AGK: variants seen among roughly 807,000 people sequenced by gnomAD.
AGK encodes acylglycerol kinase, mitochondrial.
In AGK, 52 loss-of-function variants were observed where a neutral mutation model predicts 66.4. The observed-to-expected ratio is 0.78, with a 90% CI of 0.63 to 0.99. AGK has a LOEUF of 0.99. Among genes scored for constraint, AGK ranks in the 50% least tolerant of loss-of-function variants. The probability of loss-of-function intolerance (pLI) is 0.00; values close to 1 mark genes in which losing one functional copy is unlikely to be tolerated. For synonymous variants in AGK, 182 were observed against 181.1 expected (o/e 1.00, Z -0.04); for missense variants, 451 against 506.6 (o/e 0.89, Z 1.05).
intron 2 of AGK, among the ~76,000 whole-genome samples, chr7:141,565,891 G>T (rs151042766): frequency 1.5e-3 from 234 of 152,228 alleles, no homozygotes; most frequent in African/African-American, 5.4e-3. Flanking sequence ...TTTGGATACC[G>T]TTGCTAGAGT....
rs773114548 is a variant in AGK, at chr7:141,653,012, C to A, written c.*88C>A. 1 of 1,525,680 alleles carries A rather than the reference C, an allele frequency of 6.6e-7. No homozygotes were observed. 94.5% of individuals were successfully genotyped at this position (1,525,680 alleles called of 1,614,324 possible). On this transcript the variant is annotated 3_prime_UTR_variant, in exon 16 of 16. Coordinates refer to ENST00000649286, the MANE Select transcript of AGK (RefSeq NM_018238.4). ...GGTGCCTCAGCCATCCCAACAGTGT[C>A]GTCAGAGGGTCCCCAGGGCATTTTC...
At chr7:141,586,724 G>A (rs1307345405) in intron 2 of AGK, among the ~76,000 whole-genome samples, 1 of 152,150 alleles carries the variant, frequency 6.6e-6, no homozygotes, top group Non-Finnish European at 1.5e-5. Flanking sequence ...AAAACATGCA[G>A]TTTGCCAAGA....
chr7:141,584,130 C>T (rs1369734509), intron 2 of AGK, among the ~76,000 whole-genome samples: 1 of 151,932 alleles, frequency 6.6e-6, no homozygotes, highest in African/African-American at 2.4e-5. Context: ...TGGGCCGAGT[C>T]CGAAAAGAGA....
At chr7:141,595,104 T>C (rs1796201261) in intron 3 of AGK, among the ~76,000 whole-genome samples, 1 of 152,210 alleles carries the variant, frequency 6.6e-6, no homozygotes, top group African/African-American at 2.4e-5. Context: ...ACATGATATT[T>C]AATAACAAAT....
intron 2 of AGK, among the ~76,000 whole-genome samples, chr7:141,587,623 C>T (rs1232701068): frequency 2.6e-5 from 4 of 152,150 alleles, no homozygotes; most frequent in Non-Finnish European, 5.9e-5. Context: ...ATTCTACTCC[C>T]TATTTTTGCC....
chr7:141,592,650 G>A (rs1188429834), intron 2 of AGK, among the ~76,000 whole-genome samples: 1 of 152,010 alleles, frequency 6.6e-6, no homozygotes, highest in South Asian at 2.1e-4. Flanking sequence ...ACTTTTATTC[G>A]GAGGATGTAT....
At chr7:141,608,783 A>G (rs1796515651) in intron 5 of AGK, among the ~76,000 whole-genome samples, 1 of 152,178 alleles carries the variant, frequency 6.6e-6, no homozygotes, top group African/African-American at 2.4e-5. Flanking sequence ...CCACAGGGAT[A>G]TCATAAAGTG....
chr7:141,566,764 A>G (rs1795479753), intron 2 of AGK, among the ~76,000 whole-genome samples: 2 of 151,924 alleles, frequency 1.3e-5, no homozygotes, highest in African/African-American at 2.4e-5. Flanking sequence ...TTCACCTCCC[A>G]TTGGTTGTCC....
intron 6 of AGK, among the ~76,000 whole-genome samples, chr7:141,611,513 A>G (rs1796588988): frequency 6.6e-6 from 1 of 152,124 alleles, no homozygotes; most frequent in Non-Finnish European, 1.5e-5. Context: ...TTGTATTATC[A>G]TATTTAAGTT....
chr7:141,616,584 C>T (rs1796705055), intron 8 of AGK, among the ~76,000 whole-genome samples: 1 of 151,806 alleles, frequency 6.6e-6, no homozygotes, highest in Non-Finnish European at 1.5e-5. Context: ...GCATCTTAGT[C>T]CAGTTTTCAA....
At chr7:141,579,379 C>T (rs1361991009) in intron 2 of AGK, among the ~76,000 whole-genome samples, 2 of 151,838 alleles carry the variant, frequency 1.3e-5, no homozygotes, top group African/African-American at 4.9e-5. Context: ...CTAGTAAAGG[C>T]CGGTCTGTTA....
intron 3 of AGK, among the ~76,000 whole-genome samples, chr7:141,595,396 A>C (rs535495658): frequency 6.6e-6 from 1 of 152,316 alleles, no homozygotes; most frequent in East Asian, 1.9e-4. Flanking sequence ...CAGAATAGAA[A>C]TTATAATGTT....
intron 2 of AGK, among the ~76,000 whole-genome samples, chr7:141,591,259 ATT>A (rs1796110577): frequency 6.6e-6 from 1 of 151,586 alleles, no homozygotes; most frequent in Non-Finnish European, 1.5e-5. Context: ...TGCCCGGCTA[ATT>A]TTTATATTTT....
chr7:141,560,890 G>A (rs892228042), intron 2 of AGK, among the ~76,000 whole-genome samples: 5 of 143,920 alleles, frequency 3.5e-5, no homozygotes, highest in South Asian at 2.2e-4. Context: ...TCCGCCTCCC[G>A]GCTTCATGCC....
At chr7:141,592,332 C>T (rs1460923320) in intron 2 of AGK, among the ~76,000 whole-genome samples, 1 of 152,166 alleles carries the variant, frequency 6.6e-6, no homozygotes, top group Non-Finnish European at 1.5e-5. Context: ...TTCCTTGACT[C>T]TCTTCAGAGC....
chr7:141,570,806 G>C (rs1795589029), intron 2 of AGK, among the ~76,000 whole-genome samples: 4 of 151,704 alleles, frequency 2.6e-5, no homozygotes, highest in African/African-American at 9.7e-5. Context: ...TATTCAGTCT[G>C]TGTTTCTATT....
At chr7:141,553,279 C>A (rs538154180) in intron 1 of AGK, among the ~76,000 whole-genome samples, 1 of 152,180 alleles carries the variant, frequency 6.6e-6, no homozygotes, top group Non-Finnish European at 1.5e-5. Flanking sequence ...TCTCCTAATA[C>A]CATCTCAATG....
At chr7:141,605,104 G>A (rs1391294322) in intron 5 of AGK, among the ~76,000 whole-genome samples, 1 of 152,038 alleles carries the variant, frequency 6.6e-6, no homozygotes, top group Non-Finnish European at 1.5e-5. Context: ...TGACAGTCCT[G>A]TGAATTCTTT....
chr7:141,565,812 G>A (rs1019170473), intron 2 of AGK, among the ~76,000 whole-genome samples: 1 of 151,902 alleles, frequency 6.6e-6, no homozygotes, highest in Non-Finnish European at 1.5e-5. Flanking sequence ...TACTATTGTC[G>A]CTTGCCTGGG....
Sources: gnomAD v4.1 joint callset for allele counts (sites outside exome capture counted in the v4.1 genomes callset) on GRCh38, gnomAD v4.1.1 for gene constraint, MANE v1.5 for transcripts, NCBI Gene and HGNC (gene_info 2026-07-23, HGNC 2026-07-21) for gene names.